Variants in POLR3B observed in about 807,000 individuals in gnomAD.
The protein encoded by POLR3B is RNA polymerase III subunit B, also known as DNA-directed RNA polymerase III subunit RPC2.
POLR3B carries 96 observed loss-of-function variants against 147.4 expected under a neutral mutation model. The ratio of observed to expected loss-of-function variants is 0.65; its 90% CI spans 0.55 to 0.77. POLR3B has a LOEUF of 0.77. Ranked by LOEUF, POLR3B falls within the 30% of genes least tolerant of loss-of-function variation. The pLI is 0.00. For synonymous variants in POLR3B, 461 were observed against 485.9 expected, an observed-to-expected ratio of 0.95 and a Z score of 0.67; for missense variants, 1,036 against 1,413.5, an observed-to-expected ratio of 0.73 and a Z score of 4.28.
At chr12:106,476,026 A>C (rs900017266) in intron 23 of POLR3B, among the ~76,000 whole-genome samples, 4 of 150,722 alleles carry the variant, frequency 2.7e-5, no homozygotes, top group African/African-American at 9.8e-5. Context: ...TTCCATGTTT[A>C]GCACTTCCTT....
At chr12:106,446,325 A>G (rs1221487750) in intron 19 of POLR3B, 1 of 453,506 alleles carries the variant, frequency 2.2e-6, no homozygotes, top group Non-Finnish European at 4.4e-6. Flanking sequence ...ACAGAGCTGC[A>G]ACTATCTCTA....
At position 106,433,999 on chromosome 12, in the gene POLR3B, G is replaced by T. The variant is rs75308048; in HGVS notation, c.1781+127G>T. On this transcript the variant is annotated intron_variant, in intron 16 of 27. Transcript: ENST00000228347. ...TCATTGTGAAGATAAATTTAATTCC[G>T]TGAGCAAACACTTCATGAATATGCA... 7.3e-3 allele frequency: 5,517 copies of T among 759,290 alleles called. 226 individuals are homozygous for T. The African/African-American group carries it at 0.085, about 12-fold the overall frequency. The allele number at this position is 759,290 out of a possible 1,614,324, so 47.0% of individuals were successfully genotyped here. A position where few individuals can be genotyped will look rare whatever the true frequency, so the allele number is the denominator to read the frequency against.
intron 9 of POLR3B, among the ~76,000 whole-genome samples, chr12:106,385,722 T>C (rs764400651): frequency 1.3e-5 from 2 of 152,176 alleles, no homozygotes; most frequent in Non-Finnish European, 1.5e-5. Context: ...CATTGACAAG[T>C]CAGGTTCTTT....
chr12:106,468,176 C>G (rs1185301283), intron 23 of POLR3B, among the ~76,000 whole-genome samples: 1 of 152,106 alleles, frequency 6.6e-6, no homozygotes, highest in African/African-American at 2.4e-5. Context: ...CTGGTTTAGT[C>G]TTGGGAGGGT....
chr12:106,424,275 G>A (rs1223540564), intron 12 of POLR3B, among the ~76,000 whole-genome samples: 1 of 152,154 alleles, frequency 6.6e-6, no homozygotes, highest in African/African-American at 2.4e-5. Context: ...TTTGGGACTA[G>A]AACACTTCAT....
chr12:106,493,823 T>C (rs947090445), intron 23 of POLR3B, among the ~76,000 whole-genome samples: 2 of 152,212 alleles, frequency 1.3e-5, no homozygotes, highest in African/African-American at 4.8e-5. Flanking sequence ...TCTTTTATCA[T>C]TCACTTTCAC....
chr12:106,467,694 GCAT>G (rs2038025296), intron 23 of POLR3B, among the ~76,000 whole-genome samples: 1 of 151,918 alleles, frequency 6.6e-6, no homozygotes, highest in South Asian at 2.1e-4. Flanking sequence ...GGCCTTTTCT[GCAT>G]CTATTGAGAT....
rs539449678 is a variant in POLR3B at position 106,460,696 on chromosome 12, T to A, written c.2570+1328T>A. ...CGTCTTGAAGGAGGATATCTCTTTT[T>A]CTGTGCGAAGTTCATCTCTCCTTTT... On this transcript the variant is annotated intron_variant, in intron 22 of 27. Coordinates refer to ENST00000228347, the MANE Select transcript of POLR3B (RefSeq NM_018082.6). Among the ~76,000 whole-genome samples the A allele has an allele frequency of 9.6e-4, 146 of 152,334 alleles. 1 individual carries two copies. The highest frequency in any genetic ancestry group is 3.3e-3 in the African/African-American group (139 of 41,590).
chr12:106,375,521 C>T (rs1043838647), intron 6 of POLR3B, among the ~76,000 whole-genome samples: 1 of 152,186 alleles, frequency 6.6e-6, no homozygotes, highest in South Asian at 2.1e-4. Context: ...TCCATCTCTA[C>T]GTCTTTCTGA....
At chr12:106,446,121 G>A in intron 19 of POLR3B, 1 of 316,928 alleles carries the variant, frequency 3.2e-6, no homozygotes, top group Non-Finnish European at 6.4e-6. Context: ...TTGCTAACAA[G>A]TTGAAATATA....
At chr12:106,503,601 A>G (rs1020998395) in intron 26 of POLR3B, among the ~76,000 whole-genome samples, 5 of 152,240 alleles carry the variant, frequency 3.3e-5, no homozygotes, top group Admixed American at 6.5e-5. Context: ...TCAAGAGGCT[A>G]ACAGCTCTGG....
At chr12:106,358,344 GTGGGGGT>G in intron 1 of POLR3B, 1 of 782,402 alleles carries the variant, frequency 1.3e-6, no homozygotes, top group Non-Finnish European at 1.7e-6. Flanking sequence ...ACAGCCGGCT[GTGGGGGT>G]AAAACCAGAT....
In POLR3B at chr12:106,486,071, C is replaced by T. The variant is rs187880255; in HGVS notation, c.2714-9984C>T. On this transcript the variant is annotated intron_variant, in intron 23 of 27. Coordinates refer to ENST00000228347, the MANE Select transcript of POLR3B (RefSeq NM_018082.6). ...TTGGGAGGCCGAGGCGGGCAGATCA[C>T]GAGGTCAAGAGATCGAGACCGTCCT... Among the ~76,000 whole-genome samples, 628 of 151,986 alleles carry T rather than the reference C, an allele frequency of 4.1e-3. 2 individuals are homozygous for T. Among genetic ancestry groups the T allele is most frequent in the Non-Finnish European group, 5.4e-3 (367 of 67,954 alleles).
intron 4 of POLR3B, among the ~76,000 whole-genome samples, chr12:106,367,160 A>G (rs1242084555): frequency 6.6e-6 from 1 of 152,230 alleles, no homozygotes; most frequent in East Asian, 1.9e-4. Context: ...AAAGTGCTCA[A>G]ATTAAATTTT....
intron 9 of POLR3B, 151 bp from the exon 10 acceptor site, chr12:106,392,880 A>G: frequency 1.1e-6 from 1 of 875,054 alleles, no homozygotes; most frequent in Non-Finnish European, 1.8e-6. Flanking sequence ...CAGCTTGGGC[A>G]AGGCTGCCAA....
intron 23 of POLR3B, among the ~76,000 whole-genome samples, chr12:106,478,803 A>G (rs2038219700): frequency 6.6e-6 from 1 of 152,174 alleles, no homozygotes; most frequent in African/African-American, 2.4e-5. Context: ...TTTGTACAAA[A>G]AAAAACCATC....
chr12:106,360,433 G>A (rs1323369853), intron 1 of POLR3B, among the ~76,000 whole-genome samples: 2 of 152,010 alleles, frequency 1.3e-5, no homozygotes, highest in Non-Finnish European at 2.9e-5. Flanking sequence ...CTTCCTATTT[G>A]TAGATTAAAT....
intron 12 of POLR3B, among the ~76,000 whole-genome samples, chr12:106,413,658 T>A (rs939018762): frequency 5.9e-5 from 9 of 152,100 alleles, no homozygotes; most frequent in African/African-American, 1.9e-4. Flanking sequence ...TCTTTTATTT[T>A]TTTTTTGCTT....
In POLR3B at chr12:106,462,311, G is replaced by T. The variant is rs199650114; in HGVS notation, c.2571-1167G>T. Reference sequence around the variant, plus strand: ...TGCCCAGGCTGGAGTGCAGTGGCACGATCTTGGCTCACTGCAACCTCCACC... The same window carrying T: ...TGCCCAGGCTGGAGTGCAGTGGCACTATCTTGGCTCACTGCAACCTCCACC... On this transcript the variant is annotated intron_variant, in intron 22 of 27. Coordinates refer to ENST00000228347, the MANE Select transcript of POLR3B (RefSeq NM_018082.6). Among the ~76,000 whole-genome samples, 3 of 152,222 alleles carry T rather than the reference G, an allele frequency of 2.0e-5. No homozygotes were observed. In the East Asian group the frequency reaches 5.8e-4, roughly 29 times the overall value.
Sources: gnomAD v4.1 joint callset for allele counts (sites outside exome capture counted in the v4.1 genomes callset) on GRCh38, gnomAD v4.1.1 for gene constraint, MANE v1.5 for transcripts, NCBI Gene and HGNC (gene_info 2026-07-23, HGNC 2026-07-21) for gene names.